PARD3B: variants seen among roughly 807,000 people sequenced by gnomAD.
PARD3B encodes the protein partitioning defective 3 homolog B.
Under a neutral mutation model 130.2 loss-of-function variants are expected in PARD3B, and 103 were observed. That is an observed-to-expected ratio of 0.79 (90% CI 0.67 to 0.93). The LOEUF is 0.93. Ranked by LOEUF, PARD3B falls within the 40% of genes least tolerant of loss-of-function variation. PARD3B has a pLI of 0.00. For missense variants in PARD3B, 1,609 were observed against 1,499.2 expected (o/e 1.07, Z -1.21); for synonymous variants, 583 against 553.2 (o/e 1.05, Z -0.76).
rs546942874 is a variant in PARD3B, at chr2:204,598,393, G to T, written c.120+52274G>T. On this transcript the variant is annotated intron_variant, in intron 1 of 22. Transcript: ENST00000406610. The stretch of plus-strand genomic sequence containing the variant: ...GTTGTACATATCCTTTAGAACTCAA[G>T]ACTACAGGGGTAGTTTATCTGGGTT... Among the ~76,000 whole-genome samples the T allele has an allele frequency of 5.3e-5, 8 of 152,180 alleles. No individual in the cohort carries two copies. In the South Asian group the frequency reaches 1.5e-3, roughly 28 times the overall value.
At chr2:205,302,065 C>CTTTTTTTTTTTTTTTTTTTT (rs3048088) in intron 18 of PARD3B, among the ~76,000 whole-genome samples, 21 of 77,776 alleles carry the variant, frequency 2.7e-4, no homozygotes, top group East Asian at 7.9e-4. Context: ...TTTTTCTTTT[C>CTTTTTTTTTTTTTTTTTTTT]TTTTTTTTTT....
At position 204,977,811 on chromosome 2, in the gene PARD3B, C is replaced by CAAAA. The variant is rs35974349; in HGVS notation, c.394+12508_394+12511dup. On this transcript the variant is annotated intron_variant, in intron 3 of 22. Transcript: ENST00000406610. The stretch of plus-strand genomic sequence containing the variant: ...TGGGTGACAGAGCGAGACTCCGGCT[C>CAAAA]AAAAAAAAAAAAAAAAAAAAAAAGA... Among the ~76,000 whole-genome samples, 188 of 58,990 alleles carry CAAAA rather than the reference C, an allele frequency of 3.2e-3. 2 individuals are homozygous for CAAAA. The highest frequency in any genetic ancestry group is 0.012 in the African/African-American group (168 of 14,480). The allele number at this position is 58,990 out of a possible 152,430, so 38.7% of individuals were successfully genotyped here. A position where few individuals can be genotyped will look rare whatever the true frequency, so the allele number is the denominator to read the frequency against.
At chr2:205,009,488 A>G (rs1695536752) in intron 3 of PARD3B, among the ~76,000 whole-genome samples, 5 of 151,640 alleles carry the variant, frequency 3.3e-5, no homozygotes, top group Admixed American at 2.6e-4. Flanking sequence ...TGGCTAACAC[A>G]GTGAAACCCT....
chr2:205,018,678 A>G (rs746337247), intron 3 of PARD3B, among the ~76,000 whole-genome samples: 9 of 133,566 alleles, frequency 6.7e-5, no homozygotes, highest in Non-Finnish European at 1.2e-4. Flanking sequence ...ATTACACCTT[A>G]TAAGTTTGGA....
intron 2 of PARD3B, among the ~76,000 whole-genome samples, chr2:204,898,140 C>T (rs2046712221): frequency 6.6e-6 from 1 of 150,984 alleles, no homozygotes; most frequent in South Asian, 2.1e-4. Flanking sequence ...CATAAATGAA[C>T]AAACAACAAT....
At chr2:204,694,314 C>T (rs1344016427) in intron 2 of PARD3B, among the ~76,000 whole-genome samples, 1 of 151,730 alleles carries the variant, frequency 6.6e-6, no homozygotes, top group Non-Finnish European at 1.5e-5. Flanking sequence ...TTTTCTTTTT[C>T]AAATGTTATT....
intron 1 of PARD3B, among the ~76,000 whole-genome samples, chr2:204,597,453 A>T (rs1047996676): frequency 1.3e-5 from 2 of 152,162 alleles, no homozygotes; most frequent in African/African-American, 2.4e-5. Flanking sequence ...ACAGGAAGCC[A>T]GTTTAAGTGT....
At chr2:204,926,568 T>C (rs1687633961) in intron 2 of PARD3B, among the ~76,000 whole-genome samples, 1 of 152,112 alleles carries the variant, frequency 6.6e-6, no homozygotes, top group South Asian at 2.1e-4. Flanking sequence ...TGCCATGCCA[T>C]GCAGCTGTGG....
intron 18 of PARD3B, among the ~76,000 whole-genome samples, chr2:205,330,981 C>G (rs2043102929): frequency 6.6e-6 from 1 of 152,130 alleles, no homozygotes; most frequent in Non-Finnish European, 1.5e-5. Context: ...ATTTCTTTCT[C>G]TCTTCCTCGA....
chr2:205,467,992 A>T (rs1409383373), intron 20 of PARD3B, among the ~76,000 whole-genome samples: 3 of 152,208 alleles, frequency 2.0e-5, no homozygotes, highest in Non-Finnish European at 4.4e-5. Context: ...AATGTTCCCC[A>T]CATTAGGTGC....
intron 2 of PARD3B, among the ~76,000 whole-genome samples, chr2:204,794,740 C>A (rs2042311896): frequency 6.6e-6 from 1 of 152,128 alleles, no homozygotes; most frequent in African/African-American, 2.4e-5. Context: ...ATGACTGGCT[C>A]ACAAAATACA....
chr2:204,695,424 T>C (rs2037564912), intron 2 of PARD3B, among the ~76,000 whole-genome samples: 1 of 152,022 alleles, frequency 6.6e-6, no homozygotes, highest in African/African-American at 2.4e-5. Context: ...TACCTGTGTG[T>C]ATTGATTCAG....
chr2:205,211,043 G>A (rs1025019320), intron 15 of PARD3B, among the ~76,000 whole-genome samples: 4 of 152,044 alleles, frequency 2.6e-5, no homozygotes, highest in Non-Finnish European at 5.9e-5. Flanking sequence ...TCAGAAAAAT[G>A]TTTAACTAAA....
In PARD3B at chr2:205,572,090, T is replaced by G. The variant is rs1014768231; in HGVS notation, c.3260+18687T>G. On this transcript the variant is annotated intron_variant, in intron 22 of 22. Coordinates refer to ENST00000406610, the MANE Select transcript of PARD3B (RefSeq NM_001302769.2). This position sits in a 1 kb window ranked among gnomAD's most constrained non-coding sequence, Gnocchi z 4.2. ...TGAAGGTAGAGAGTTGAGTCTTCAT[T>G]TATTGATTCATTCATTCAGTAAACT... 2.0e-5 allele frequency among the ~76,000 whole-genome samples: 3 copies of G among 152,182 alleles called. No individual in the cohort carries two copies. The highest frequency in any genetic ancestry group is 4.4e-5 in the Non-Finnish European group (3 of 68,026).
chr2:204,801,203 T>C (rs1004619188), intron 2 of PARD3B, among the ~76,000 whole-genome samples: 4 of 152,200 alleles, frequency 2.6e-5, no homozygotes, highest in African/African-American at 9.7e-5. Flanking sequence ...TATGGGCTCT[T>C]TTTTGGTTCC....
chr2:204,974,296 G>T (rs1311239252), intron 3 of PARD3B, among the ~76,000 whole-genome samples: 3 of 152,046 alleles, frequency 2.0e-5, no homozygotes, highest in African/African-American at 7.3e-5. Context: ...CTTGACTATG[G>T]TTATGTAATG....
At chr2:204,666,663 A>G (rs1018650033) in intron 1 of PARD3B, among the ~76,000 whole-genome samples, 18 of 152,168 alleles carry the variant, frequency 1.2e-4, no homozygotes, top group Non-Finnish European at 8.8e-5. Flanking sequence ...AGAGGGGTAT[A>G]GATGAATCCT....
At chr2:205,120,368 T>A (rs2030544388) in intron 7 of PARD3B, among the ~76,000 whole-genome samples, 1 of 151,798 alleles carries the variant, frequency 6.6e-6, no homozygotes, top group African/African-American at 2.4e-5. Context: ...ACCACAGGAG[T>A]TAGGTGGAGT....
rs1559102348 is a variant in PARD3B at position 205,446,430 on chromosome 2, T to G, written c.3044+5758T>G. On this transcript the variant is annotated intron_variant, in intron 20 of 22. Coordinates refer to ENST00000406610, the MANE Select transcript of PARD3B (RefSeq NM_001302769.2). This position sits in a 1 kb window ranked among gnomAD's most constrained non-coding sequence, Gnocchi z 4.4. Reference sequence around the variant, plus strand: ...TAAAAGGGAAGATTATAATATAGCCTTGCATCCTGTGATGGTTAAATATGA... The same window carrying G: ...TAAAAGGGAAGATTATAATATAGCCGTGCATCCTGTGATGGTTAAATATGA... Among the ~76,000 whole-genome samples, 1 of 152,222 alleles carries G rather than the reference T, an allele frequency of 6.6e-6. No homozygotes were observed. Among genetic ancestry groups the G allele is most frequent in the East Asian group, 1.9e-4 (1 of 5,198 alleles).
Sources: allele counts gnomAD v4.1 joint callset (sites outside exome capture counted in the v4.1 genomes callset), GRCh38; gene constraint gnomAD v4.1.1; non-coding constraint Gnocchi (gnomAD v3.1); transcripts MANE v1.5; gene names NCBI Gene and HGNC (gene_info 2026-07-23, HGNC 2026-07-21).